SHROOM3: variants seen among roughly 807,000 people sequenced by gnomAD.
SHROOM3 encodes protein Shroom3.
SHROOM3 carries 47 observed loss-of-function variants against 138.6 expected under a neutral mutation model. That is an observed-to-expected ratio of 0.34 (90% CI 0.27 to 0.43). The LOEUF is 0.43. Ranked by LOEUF, SHROOM3 falls within the 20% of genes least tolerant of loss-of-function variation. SHROOM3 has a pLI of 1.00. For synonymous variants in SHROOM3, 1,062 were observed against 1,063.3 expected (o/e 1.00, Z 0.02); for missense variants, 2,491 against 2,596.5 (o/e 0.96, Z 0.88).
chr4:76,763,342 G>A (rs1048245905), intron 9 of SHROOM3, among the ~76,000 whole-genome samples: 5 of 151,856 alleles, frequency 3.3e-5, no homozygotes, highest in South Asian at 2.1e-4. Context: ...AGCTGAGATC[G>A]TGCCACTGCA....
chr4:76,542,288 G>T (rs978310818), intron 1 of SHROOM3, among the ~76,000 whole-genome samples: 4 of 152,204 alleles, frequency 2.6e-5, no homozygotes, highest in Admixed American at 2.6e-4. Context: ...TTAGAGGAAA[G>T]AATTAACTTG....
rs940694690 is a variant in SHROOM3, at chr4:76,756,474, A to G, written c.4735A>G (p.Ile1579Val). 7.4e-6 allele frequency: 12 copies of G among 1,612,002 alleles called. No homozygotes were observed. Among genetic ancestry groups the G allele is most frequent in the Middle Eastern group, 1.7e-4 (1 of 6,010 alleles). ...PSFNKLSKVT[I>V]ARERHMPGAA... ...CTTCAACAAACTTTCTAAAGTGACA[A>G]TTGCAAGGGAAAGGCACATGCCTGG... Residue 1579 changes from isoleucine to valine, a missense_variant, in exon 8 of 11, where the codon ATT (isoleucine) becomes GTT (valine). Physicochemically the swap from Ile to Val is conservative, Grantham distance 29. Around this residue, in one of 4 missense-constraint regions of SHROOM3, gnomAD observed 470 missense variants for 595.0 expected, o/e 0.79. Coordinates refer to ENST00000296043, the MANE Select transcript of SHROOM3 (RefSeq NM_020859.4).
At chr4:76,658,408 A>G (rs544973281) in intron 2 of SHROOM3, among the ~76,000 whole-genome samples, 2 of 152,170 alleles carry the variant, frequency 1.3e-5, no homozygotes, top group African/African-American at 2.4e-5. Flanking sequence ...AAAGATTTAC[A>G]TTGCTGGTTT....
At chr4:76,621,447 C>T (rs1313917996) in intron 2 of SHROOM3, among the ~76,000 whole-genome samples, 1 of 152,206 alleles carries the variant, frequency 6.6e-6, no homozygotes, top group African/African-American at 2.4e-5. Flanking sequence ...CAAACCACCA[C>T]CTTTGCACCA....
chr4:76,651,763 G>A (rs1452483397), intron 2 of SHROOM3, among the ~76,000 whole-genome samples: 1 of 152,110 alleles, frequency 6.6e-6, no homozygotes, highest in African/African-American at 2.4e-5. Flanking sequence ...AAATTTGCTT[G>A]AACTCCCAAA....
rs540798670 is a variant in SHROOM3, at chr4:76,740,719, A to C, written c.2546A>C (p.Lys849Thr). 6.2e-7 allele frequency: 1 copy of C among 1,613,600 alleles called. No individual in the cohort carries two copies. The highest frequency in any genetic ancestry group is 8.5e-7 in the Non-Finnish European group (1 of 1,179,992). The change falls in exon 5 of 11, where the codon AAA becomes ACA. Residue 849 changes from lysine to threonine, a missense_variant. Lys to Thr is a moderately conservative substitution (Grantham distance 78, BLOSUM62 -1). Around this residue, in one of 4 missense-constraint regions of SHROOM3, gnomAD observed 1,733 missense variants for 1,661.6 expected, o/e 1.04. Transcript: ENST00000296043. The surrounding 1 kb of genome is among the most constrained non-coding windows in gnomAD (Gnocchi z 4.0). The part of the protein sequence containing the change: ...EPLGNGEQHF[K>T]NGELKLEEAS... ...CTAGGCAACGGGGAGCAGCACTTCA[A>C]AAACGGGGAGCTGAAGTTGGAAGAG...
intron 6 of SHROOM3, among the ~76,000 whole-genome samples, chr4:76,751,825 G>T (rs1048608373): frequency 6.6e-6 from 1 of 152,202 alleles, no homozygotes; most frequent in Non-Finnish European, 1.5e-5. Context: ...TGTTGGTGAG[G>T]ATATGGGGAA....
At position 76,574,994 on chromosome 4, in the gene SHROOM3, A is replaced by T. The variant is rs77173690; in HGVS notation, c.323+19231A>T. 6.0e-3 allele frequency among the ~76,000 whole-genome samples: 918 copies of T among 152,366 alleles called. 14 individuals are homozygous for T. Among genetic ancestry groups the T allele is most frequent in the African/African-American group, 0.021 (868 of 41,582 alleles). On this transcript the variant is annotated intron_variant, in intron 2 of 10. Transcript: ENST00000296043. The stretch of plus-strand genomic sequence containing the variant: ...AATTCAATAGTACACCAACAAGATC[A>T]TTCATCACAACCAAGCGGGATTTAT...
intron 2 of SHROOM3, among the ~76,000 whole-genome samples, chr4:76,601,947 GAT>G (rs1734516034): frequency 1.3e-5 from 2 of 152,202 alleles, no homozygotes. Flanking sequence ...CAACCAGGTT[GAT>G]TCAAGGGTTC....
chr4:76,574,330 A>G (rs1733894465), intron 2 of SHROOM3, among the ~76,000 whole-genome samples: 1 of 152,144 alleles, frequency 6.6e-6, no homozygotes, highest in Non-Finnish European at 1.5e-5. Flanking sequence ...CAAAAGTGTG[A>G]TCATGCCCAG....
At chr4:76,640,099 A>G (rs947276063) in intron 2 of SHROOM3, among the ~76,000 whole-genome samples, 5 of 152,162 alleles carry the variant, frequency 3.3e-5, no homozygotes, top group Non-Finnish European at 7.3e-5. Context: ...TATTACAAGC[A>G]GATAAAGGGG....
At chr4:76,550,579 C>G (rs1733329004) in intron 1 of SHROOM3, among the ~76,000 whole-genome samples, 1 of 152,160 alleles carries the variant, frequency 6.6e-6, no homozygotes, top group South Asian at 2.1e-4. Flanking sequence ...TTCTAAAAAT[C>G]TTCTTTGGTA....
chr4:76,501,494 A>C (rs1204401799), intron 1 of SHROOM3, among the ~76,000 whole-genome samples: 3 of 152,096 alleles, frequency 2.0e-5, no homozygotes, highest in African/African-American at 4.8e-5. Context: ...TAGGAATTTT[A>C]GAGCTTTTAA....
At chr4:76,703,563 T>G (rs1719963739) in intron 2 of SHROOM3, among the ~76,000 whole-genome samples, 1 of 152,162 alleles carries the variant, frequency 6.6e-6, no homozygotes, top group Non-Finnish European at 1.5e-5. Flanking sequence ...TGAAAAAGCT[T>G]CTAATCTAAG....
intron 2 of SHROOM3, among the ~76,000 whole-genome samples, chr4:76,566,868 G>C (rs889949510): frequency 1.3e-5 from 2 of 152,170 alleles, no homozygotes; most frequent in South Asian, 4.1e-4. Flanking sequence ...GGGCATCTTC[G>C]CATGTGGCAG....
intron 2 of SHROOM3, among the ~76,000 whole-genome samples, chr4:76,673,164 T>A (rs1718937702): frequency 1.3e-5 from 2 of 152,132 alleles, no homozygotes; most frequent in African/African-American, 4.8e-5. Flanking sequence ...GGTGGGTAGG[T>A]AGCCCAGGTA....
chr4:76,460,827 CA>C (rs58793404), intron 1 of SHROOM3, among the ~76,000 whole-genome samples: 11,003 of 78,764 alleles, frequency 0.14, 1,033 homozygotes, highest in African/African-American at 0.23. Context: ...CCCGTATCTA[CA>C]AAAAAAAAAA....
At chr4:76,459,257 A>G (rs1731092212) in intron 1 of SHROOM3, among the ~76,000 whole-genome samples, 1 of 152,196 alleles carries the variant, frequency 6.6e-6, no homozygotes, top group Non-Finnish European at 1.5e-5. Context: ...AATCCTATTA[A>G]TTATAATTGT....
At chr4:76,772,435 A>G (rs1578037183) in intron 10 of SHROOM3, among the ~76,000 whole-genome samples, 1 of 152,234 alleles carries the variant, frequency 6.6e-6, no homozygotes, top group Admixed American at 6.5e-5. Context: ...CATTGCTCTC[A>G]TGAATTCTCC....
Sources: gnomAD v4.1 joint callset for allele counts (sites outside exome capture counted in the v4.1 genomes callset) on GRCh38, gnomAD v4.1.1 for gene constraint, gnomAD v4.1.1 regional missense constraint, Gnocchi (gnomAD v3.1) non-coding constraint, MANE v1.5 for transcripts, NCBI Gene and HGNC (gene_info 2026-07-23, HGNC 2026-07-21) for gene names.